Variants in REDIC1 observed in about 807,000 individuals in gnomAD.
The protein encoded by REDIC1 is regulator of DNA class I crossover intermediates 1, also known as HEI10 Interacting Protein 1.
the REDIC1 span, among the ~76,000 whole-genome samples, chr12:39,697,929 A>G: frequency 5.9e-5 from 9 of 152,222 alleles, no homozygotes; most frequent in Non-Finnish European, 1.5e-5. Context: ...TTGACTGTCA[A>G]TGGATTAAGC....
At chr12:39,835,082 G>A in the REDIC1 span, among the ~76,000 whole-genome samples, 1 of 151,930 alleles carries the variant, frequency 6.6e-6, no homozygotes, top group Non-Finnish European at 1.5e-5. Context: ...AAATACATTG[G>A]CACAAAGTCA....
At chr12:39,760,721 A>G in the REDIC1 span, among the ~76,000 whole-genome samples, 2 of 152,020 alleles carry the variant, frequency 1.3e-5, no homozygotes, top group South Asian at 4.1e-4. Flanking sequence ...TGTAAACTCC[A>G]TGAAGTCAGA....
chr12:39,633,095 A>G, the REDIC1 span, among the ~76,000 whole-genome samples: 1 of 151,902 alleles, frequency 6.6e-6, no homozygotes, highest in East Asian at 1.9e-4. Flanking sequence ...TATTATTATT[A>G]TATTTTAAAT....
At chr12:39,866,670 G>A in the REDIC1 span, among the ~76,000 whole-genome samples, 3 of 152,136 alleles carry the variant, frequency 2.0e-5, no homozygotes, top group South Asian at 6.3e-4. Flanking sequence ...TAGTAGAGAC[G>A]GGGTTTCACC....
At chr12:39,770,799 T>C in the REDIC1 span, among the ~76,000 whole-genome samples, 1 of 152,178 alleles carries the variant, frequency 6.6e-6, no homozygotes, top group African/African-American at 2.4e-5. Context: ...CATTTTCCTC[T>C]TATCCACTTC....
At chr12:39,812,959 A>G in the REDIC1 span, among the ~76,000 whole-genome samples, 1 of 129,686 alleles carries the variant, frequency 7.7e-6, no homozygotes, top group African/African-American at 2.9e-5. Context: ...CCTCCCAAGT[A>G]GCAGGGATTA....
the REDIC1 span, chr12:39,872,007 G>T: frequency 5.6e-6 from 8 of 1,431,966 alleles, no homozygotes; most frequent in Non-Finnish European, 2.8e-6. Flanking sequence ...GTTACCCAAA[G>T]AAACAGGGTT....
chr12:39,825,997 T>C, the REDIC1 span, among the ~76,000 whole-genome samples: 2 of 152,138 alleles, frequency 1.3e-5, no homozygotes, highest in Non-Finnish European at 2.9e-5. Flanking sequence ...GTGATAAATA[T>C]CTTTCTGTTG....
the REDIC1 span, among the ~76,000 whole-genome samples, chr12:39,661,046 C>T: frequency 2.0e-5 from 3 of 152,046 alleles, no homozygotes; most frequent in Non-Finnish European, 2.9e-5. Context: ...TTTTGTTATC[C>T]GTTCATCTAC....
chr12:39,798,172 C>A, the REDIC1 span, among the ~76,000 whole-genome samples: 74 of 152,300 alleles, frequency 4.9e-4, no homozygotes, highest in East Asian at 3.7e-3. Context: ...TGTCGGACAA[C>A]AACCAGCATT....
chr12:39,702,803 C>A, the REDIC1 span, among the ~76,000 whole-genome samples: 1 of 152,162 alleles, frequency 6.6e-6, no homozygotes, highest in African/African-American at 2.4e-5. Flanking sequence ...TAAATGTAAT[C>A]CAGCATGTAA....
chr12:39,631,172 G>A, the REDIC1 span, among the ~76,000 whole-genome samples: 3 of 152,126 alleles, frequency 2.0e-5, no homozygotes, highest in African/African-American at 4.8e-5. Context: ...TTACAGGCGC[G>A]AGCCACTGTG....
the REDIC1 span, among the ~76,000 whole-genome samples, chr12:39,853,811 T>G: frequency 6.6e-6 from 1 of 152,154 alleles, no homozygotes; most frequent in Admixed American, 6.5e-5. Flanking sequence ...GAATTTCATT[T>G]ATGTTACATA....
chr12:39,862,188 C>T, the REDIC1 span, among the ~76,000 whole-genome samples: 1 of 152,200 alleles, frequency 6.6e-6, no homozygotes, highest in African/African-American at 2.4e-5. Flanking sequence ...TTAAAATATT[C>T]TAAAAAGGAG....
the REDIC1 span, among the ~76,000 whole-genome samples, chr12:39,779,309 A>G: frequency 6.6e-6 from 1 of 152,208 alleles, no homozygotes; most frequent in East Asian, 1.9e-4. Context: ...TAACACTGCC[A>G]TCTGATTGCA....
the REDIC1 span, among the ~76,000 whole-genome samples, chr12:39,817,664 T>G: frequency 0.019 from 2,948 of 152,336 alleles, 39 homozygotes; most frequent in Non-Finnish European, 0.032. Flanking sequence ...TAACTACTAT[T>G]TCAGTTAGTA....
At chr12:39,721,265 C>G in the REDIC1 span, 29 of 1,591,948 alleles carry the variant, frequency 1.8e-5, no homozygotes, top group Non-Finnish European at 2.1e-5. Context: ...TCTAAAATCT[C>G]TACCTAGGAT....
the REDIC1 span, among the ~76,000 whole-genome samples, chr12:39,677,147 T>C: frequency 1.3e-5 from 2 of 152,048 alleles, no homozygotes; most frequent in Non-Finnish European, 2.9e-5. Context: ...TAGCATTTAG[T>C]GTCAGAATGA....
At chr12:39,697,461 G>A in the REDIC1 span, among the ~76,000 whole-genome samples, 6 of 152,218 alleles carry the variant, frequency 3.9e-5, no homozygotes, top group East Asian at 9.7e-4. Context: ...ACAGAAAAAC[G>A]AAATATAACA....
Sources: allele counts gnomAD v4.1 joint callset (sites outside exome capture counted in the v4.1 genomes callset), GRCh38; gene constraint gnomAD v4.1.1; transcripts MANE v1.5; gene names NCBI Gene and HGNC (gene_info 2026-07-23, HGNC 2026-07-21).